Variants in NLGN4Y observed in about 807,000 individuals in gnomAD.
NLGN4Y encodes the protein neuroligin-4, Y-linked.
Under a neutral mutation model 8.4 loss-of-function variants are expected in NLGN4Y, and 4 were observed. That is an observed-to-expected ratio of 0.48 (90% confidence interval 0.23 to 1.09). NLGN4Y has a LOEUF of 1.09. Among genes scored for constraint, NLGN4Y ranks in the 50% least tolerant of loss-of-function variants. The pLI is 0.19. For synonymous variants in NLGN4Y, 35 were observed against 75.6 expected, an observed-to-expected ratio of 0.46 and a Z score of 2.78; for missense variants, 90 against 192.3, an observed-to-expected ratio of 0.47 and a Z score of 3.15.
At chrY:14,598,397 G>C (rs111247952) in intron 1 of NLGN4Y, among the ~76,000 whole-genome samples, 9 of 33,695 alleles carry the variant, frequency 2.7e-4, no homozygotes, top group African/African-American at 9.2e-4. Flanking sequence ...GTGGGCCAGC[G>C]CTGCTGGGGT....
intron 1 of NLGN4Y, among the ~76,000 whole-genome samples, chrY:14,583,332 G>A (rs922592698): frequency 9.0e-5 from 3 of 33,360 alleles, no homozygotes; most frequent in Admixed American, 2.7e-4. Flanking sequence ...CAGTGGGGAG[G>A]TCTGAGATTT....
intron 4 of NLGN4Y, among the ~76,000 whole-genome samples, chrY:14,726,983 G>A: frequency 3.1e-5 from 1 of 32,638 alleles, no homozygotes; most frequent in Non-Finnish European, 7.5e-5. Flanking sequence ...TACCTGGGAG[G>A]CTGAGATGCA....
chrY:14,677,066 G>A (rs2150531562), intron 2 of NLGN4Y, among the ~76,000 whole-genome samples: 1 of 33,464 alleles, frequency 3.0e-5, no homozygotes, highest in South Asian at 6.7e-4. Flanking sequence ...TCTTACATTC[G>A]ATGACTTCAA....
intron 2 of NLGN4Y, among the ~76,000 whole-genome samples, chrY:14,648,347 G>T (rs2080617963): frequency 3.0e-5 from 1 of 33,392 alleles, no homozygotes; most frequent in Admixed American, 2.8e-4. Context: ...GGTAGAAGTT[G>T]CAGTAAGCCG....
intron 2 of NLGN4Y, chrY:14,639,485 G>T: frequency 1.7e-5 from 3 of 174,389 alleles, no homozygotes; most frequent in South Asian, 1.2e-4. Flanking sequence ...CACTGAAGGA[G>T]GATGTTACTG....
chrY:14,829,023 A>C (rs370332232), intron 5 of NLGN4Y, among the ~76,000 whole-genome samples: 1,023 of 33,227 alleles, frequency 0.031, no homozygotes, highest in Non-Finnish European at 0.036. Flanking sequence ...AAAATAAAAA[A>C]AAAAACAAAA....
At chrY:14,582,013 G>T in intron 1 of NLGN4Y, among the ~76,000 whole-genome samples, 1 of 33,797 alleles carries the variant, frequency 3.0e-5, no homozygotes, top group Non-Finnish European at 7.3e-5. Context: ...TATCCTAGAT[G>T]ATAACTCAAA....
chrY:14,737,897 G>A, intron 4 of NLGN4Y, among the ~76,000 whole-genome samples: 1 of 32,377 alleles, frequency 3.1e-5, no homozygotes, highest in Non-Finnish European at 7.6e-5. Flanking sequence ...TAAATACATT[G>A]CCAAAAGGTT....
chrY:14,535,082 T>G (rs746684810), intron 1 of NLGN4Y, among the ~76,000 whole-genome samples: 1 of 33,255 alleles, frequency 3.0e-5, no homozygotes, highest in African/African-American at 1.2e-4. Context: ...AGGCTGCCTG[T>G]CTTAGGTAAT....
At chrY:14,755,709 G>A in intron 4 of NLGN4Y, among the ~76,000 whole-genome samples, 1 of 33,126 alleles carries the variant, frequency 3.0e-5, no homozygotes, top group Admixed American at 2.8e-4. Flanking sequence ...GTGTGGTGGT[G>A]TGCACTTGTA....
intron 2 of NLGN4Y, among the ~76,000 whole-genome samples, chrY:14,670,314 C>T (rs903048154): frequency 1.5e-4 from 5 of 34,165 alleles, no homozygotes; most frequent in Admixed American, 7.9e-4. Flanking sequence ...ATTAAGGAAT[C>T]TCAAAATGAA....
At chrY:14,702,830 C>T (rs2080858119) in intron 2 of NLGN4Y, among the ~76,000 whole-genome samples, 1 of 32,814 alleles carries the variant, frequency 3.0e-5, no homozygotes, top group Non-Finnish European at 7.5e-5. Flanking sequence ...CCTGTTGTTT[C>T]CTGACTTTTT....
Position 14,840,660 on chromosome Y carries a change from G to C in NLGN4Y, c.1909G>C (p.Asp637His). 2.5e-6 allele frequency: 1 copy of C among 396,851 alleles called. No homozygotes were observed. Among genetic ancestry groups the C allele is most frequent in the Non-Finnish European group, 3.5e-6 (1 of 283,262 alleles). ...AACAACCACAAAGGTTCCTCCACCA[G>C]ACATGACATCATTTCCCTATGGCAC... ...VSTTTKVPPP[D>H]MTSFPYGTRR... The change falls in exon 7 of 7, where the codon GAC (aspartate) becomes CAC (histidine). Residue 637 changes from aspartate (D) to histidine (H), a missense_variant. Asp to His is a moderately conservative substitution (Grantham distance 81, BLOSUM62 -1). Transcript: ENST00000684976.
intron 1 of NLGN4Y, among the ~76,000 whole-genome samples, chrY:14,552,404 G>A: frequency 3.0e-5 from 1 of 33,464 alleles, no homozygotes; most frequent in African/African-American, 1.2e-4. Flanking sequence ...AGAAAAAGAG[G>A]GAACCCTCCC....
chrY:14,832,594 C>A (rs755477822), intron 6 of NLGN4Y, among the ~76,000 whole-genome samples: 1 of 33,716 alleles, frequency 3.0e-5, no homozygotes, highest in South Asian at 6.6e-4. Flanking sequence ...CGGAGGACTG[C>A]CTAAGGAGGT....
intron 6 of NLGN4Y, among the ~76,000 whole-genome samples, chrY:14,835,675 AAAG>A (rs2043195714): frequency 3.7e-5 from 1 of 27,396 alleles, no homozygotes; most frequent in Admixed American, 3.3e-4. Context: ...TGGAGACAAA[AAAG>A]AAGGAAGGGA....
At chrY:14,524,381 A>C (rs2080082758), upstream of NLGN4Y, 1 of 88,312 alleles carries the variant, frequency 1.1e-5, no homozygotes. Flanking sequence ...TTCCTCCCGC[A>C]CCATCCCATC....
At chrY:14,779,112 A>G in intron 4 of NLGN4Y, among the ~76,000 whole-genome samples, 1 of 32,145 alleles carries the variant, frequency 3.1e-5, no homozygotes, top group African/African-American at 1.2e-4. Flanking sequence ...ATGAGGTCTC[A>G]CTGTGTTGCC....
intron 2 of NLGN4Y, among the ~76,000 whole-genome samples, chrY:14,655,610 T>G: frequency 3.0e-5 from 1 of 33,734 alleles, no homozygotes; most frequent in Non-Finnish European, 7.3e-5. Flanking sequence ...TGACACCCTT[T>G]GTTCCAACTT....
Sources: gnomAD v4.1 joint callset for allele counts (sites outside exome capture counted in the v4.1 genomes callset) on GRCh38, gnomAD v4.1.1 for gene constraint, MANE v1.5 for transcripts, NCBI Gene and HGNC (gene_info 2026-07-23, HGNC 2026-07-21) for gene names.